The following MIPEP variants were observed in gnomAD, a reference collection of about 807,000 sequenced individuals.
The protein encoded by MIPEP is mitochondrial intermediate peptidase.
In MIPEP, 79 loss-of-function variants were observed where a neutral mutation model predicts 90.3. That is an observed-to-expected ratio of 0.87 (90% CI 0.73 to 1.05). The LOEUF (loss-of-function observed/expected upper bound fraction) is 1.05. Among genes scored for constraint, MIPEP ranks in the 50% least tolerant of loss-of-function variants. The pLI is 0.00. For missense variants in MIPEP, 940 were observed against 905.6 expected, an observed-to-expected ratio of 1.04 and a Z score of -0.49; for synonymous variants, 334 against 315.8, an observed-to-expected ratio of 1.06 and a Z score of -0.61.
In MIPEP at chr13:23,809,904, C is replaced by T; in HGVS notation, c.1674G>A (p.Val558=). Residue 558 remains valine, a synonymous_variant, in exon 15 of 19, where the codon GTG becomes GTA. Transcript: ENST00000382172. ...QTGQPLPKNM[V]SRLCESKKVC... ...CCTTTTTAGATTCACAAAGACGAGA[C>T]ACCATATTTTTTGGCAGTGGCTTGA... is the stretch of plus-strand genomic sequence containing the variant. 3 of 1,613,380 alleles carry T rather than the reference C, an allele frequency of 1.9e-6. No homozygotes were observed.
At chr13:23,803,309 G>A (rs1213986462) in intron 16 of MIPEP, among the ~76,000 whole-genome samples, 1 of 152,042 alleles carries the variant, frequency 6.6e-6, no homozygotes, top group Non-Finnish European at 1.5e-5. Flanking sequence ...GTTGCAGTGA[G>A]CCAATACTGC....
intron 18 of MIPEP, among the ~76,000 whole-genome samples, chr13:23,736,236 C>T (rs769498454): frequency 1.3e-5 from 2 of 152,046 alleles, no homozygotes; most frequent in African/African-American, 2.4e-5. Flanking sequence ...AATAACTTTA[C>T]AATTAAAAAG....
At chr13:23,775,078 C>A (rs1260499060) in intron 16 of MIPEP, among the ~76,000 whole-genome samples, 1 of 150,618 alleles carries the variant, frequency 6.6e-6, no homozygotes, top group Non-Finnish European at 1.5e-5. Flanking sequence ...GGATTACAAG[C>A]ATGAGTCACT....
At chr13:23,800,890 C>T (rs187864957) in intron 16 of MIPEP, among the ~76,000 whole-genome samples, 2 of 152,300 alleles carry the variant, frequency 1.3e-5, no homozygotes, top group East Asian at 1.9e-4. Flanking sequence ...GAAGCCAGCT[C>T]AATGTTGTTT....
intron 8 of MIPEP, 35 bp from the exon 9 acceptor site, chr13:23,862,397 A>C: frequency 8.4e-7 from 1 of 1,197,572 alleles, no homozygotes; most frequent in Non-Finnish European, 1.2e-6. Context: ...TGTTAGGACA[A>C]AATTTTAACA....
intron 16 of MIPEP, among the ~76,000 whole-genome samples, chr13:23,768,095 C>T (rs1952610387): frequency 6.6e-6 from 1 of 152,134 alleles, no homozygotes; most frequent in African/African-American, 2.4e-5. Flanking sequence ...TCCTTTCCTG[C>T]TAGCTTTGAA....
At chr13:23,869,550 C>G in intron 6 of MIPEP, 102 bp from the exon 7 acceptor site, 8 of 1,087,056 alleles carry the variant, frequency 7.4e-6, no homozygotes, top group Non-Finnish European at 1.0e-5. Flanking sequence ...CAGATGATCA[C>G]TGCTTTCAAA....
intron 14 of MIPEP, among the ~76,000 whole-genome samples, chr13:23,829,373 G>A (rs1176908584): frequency 2.6e-5 from 4 of 151,696 alleles, no homozygotes; most frequent in South Asian, 2.1e-4. Context: ...AAATTGGCTG[G>A]GCATGGTGGC....
chr13:23,735,802 C>G (rs188116842), intron 18 of MIPEP, among the ~76,000 whole-genome samples: 1 of 152,076 alleles, frequency 6.6e-6, no homozygotes, highest in African/African-American at 2.4e-5. Flanking sequence ...AGAATAGTTA[C>G]TGGGGAAGAA....
At chr13:23,854,088 G>A (rs1180332438) in intron 10 of MIPEP, among the ~76,000 whole-genome samples, 1 of 151,692 alleles carries the variant, frequency 6.6e-6, no homozygotes, top group Non-Finnish European at 1.5e-5. Context: ...CACTTTGGGA[G>A]GCCGAGGTGG....
At chr13:23,756,217 C>T (rs139863127) in intron 18 of MIPEP, among the ~76,000 whole-genome samples, 434 of 152,302 alleles carry the variant, frequency 2.8e-3, no homozygotes, top group Admixed American at 4.6e-3. Flanking sequence ...TGCAATGGCA[C>T]GATTTCAGCT....
chr13:23,774,333 T>A (rs1487761504), intron 16 of MIPEP, among the ~76,000 whole-genome samples: 1 of 152,192 alleles, frequency 6.6e-6, no homozygotes, highest in African/African-American at 2.4e-5. Flanking sequence ...CTGCTTCAAT[T>A]GGGAAGTGTG....
At chr13:23,810,897 T>G (rs1953163994) in intron 14 of MIPEP, among the ~76,000 whole-genome samples, 1 of 152,216 alleles carries the variant, frequency 6.6e-6, no homozygotes, top group Admixed American at 6.5e-5. Context: ...ACTGCTCAGA[T>G]GACAAACCTA....
chr13:23,784,393 T>G (rs1224297076), intron 16 of MIPEP, among the ~76,000 whole-genome samples: 2 of 152,196 alleles, frequency 1.3e-5, no homozygotes, highest in Non-Finnish European at 2.9e-5. Flanking sequence ...GGGGAAAGGA[T>G]TCCCTCTTTA....
intron 7 of MIPEP, among the ~76,000 whole-genome samples, chr13:23,868,088 T>C (rs998483680): frequency 6.6e-6 from 1 of 152,098 alleles, no homozygotes; most frequent in African/African-American, 2.4e-5. Flanking sequence ...ATACATATTA[T>C]ATCTGTTTAG....
chr13:23,836,260 T>C lies in MIPEP; in HGVS notation c.1633A>G (p.Arg545Gly). 1.9e-6 allele frequency: 3 copies of C among 1,603,430 alleles called. No individual in the cohort carries two copies. The highest frequency in any genetic ancestry group is 1.7e-6 in the Non-Finnish European group (2 of 1,175,612). Residue 545 changes from arginine (R) to glycine (G), a missense_variant, in exon 14 of 19, where the codon AGA becomes GGA. Transcript: ENST00000382172. ...CCTACCTGTCCAGTCTGATAATGTCTGGCAAATTGGTTAACTACTCGATAA... is the reference window on the plus strand; with the variant it reads ...CCTACCTGTCCAGTCTGATAATGTCCGGCAAATTGGTTAACTACTCGATAA... ...NDYRVVNQFA[R>G]HYQTGQPLPK...
At chr13:23,861,818 AT>A (rs1181358004) in intron 9 of MIPEP, among the ~76,000 whole-genome samples, 1 of 152,232 alleles carries the variant, frequency 6.6e-6, no homozygotes, top group African/African-American at 2.4e-5. Flanking sequence ...GGAAGATCAT[AT>A]AATCATATGA....
At chr13:23,838,311 A>G (rs1344432408) in intron 12 of MIPEP, among the ~76,000 whole-genome samples, 1 of 151,932 alleles carries the variant, frequency 6.6e-6, no homozygotes, top group Admixed American at 6.6e-5. Context: ...ACCCAGCTAA[A>G]TTTTTAGATT....
chr13:23,758,675 A>T (rs969883280), intron 17 of MIPEP, among the ~76,000 whole-genome samples: 2 of 152,230 alleles, frequency 1.3e-5, no homozygotes, highest in African/African-American at 4.8e-5. Flanking sequence ...AGAAGACAAA[A>T]TACATGTGAG....
Sources: allele counts gnomAD v4.1 joint callset (sites outside exome capture counted in the v4.1 genomes callset), GRCh38; gene constraint gnomAD v4.1.1; transcripts MANE v1.5; gene names NCBI Gene and HGNC (gene_info 2026-07-23, HGNC 2026-07-21).